The following STXBP5L variants were observed in gnomAD, a reference collection of about 807,000 sequenced individuals.
STXBP5L encodes the protein syntaxin binding protein 5L, also known as syntaxin-binding protein 5-like.
STXBP5L carries 65 observed loss-of-function variants against 144.5 expected under a neutral mutation model. The observed-to-expected ratio is 0.45, with a 90% CI of 0.37 to 0.55. The LOEUF (loss-of-function observed/expected upper bound fraction) is 0.55, where lower values mean the gene tolerates loss of function less well. Among genes scored for constraint, STXBP5L ranks in the 20% least tolerant of loss-of-function variants. The pLI, the probability that STXBP5L is intolerant of heterozygous loss-of-function variation, is 0.00. For synonymous variants in STXBP5L, 505 were observed against 469.6 expected (o/e 1.08, Z -0.97); for missense variants, 1,298 against 1,405.5 (o/e 0.92, Z 1.22).
intron 5 of STXBP5L, among the ~76,000 whole-genome samples, chr3:121,109,614 T>A (rs1469091723): frequency 6.6e-6 from 1 of 152,202 alleles, no homozygotes; most frequent in Non-Finnish European, 1.5e-5. Flanking sequence ...CTTTTGTATT[T>A]GCTGAGGAAC....
chr3:121,186,641 A>T (rs1191882974), intron 9 of STXBP5L, among the ~76,000 whole-genome samples: 2 of 152,200 alleles, frequency 1.3e-5, no homozygotes, highest in Non-Finnish European at 2.9e-5. Flanking sequence ...CCAGGGATGA[A>T]GCCCACTTGA....
intron 22 of STXBP5L, among the ~76,000 whole-genome samples, chr3:121,392,543 C>T (rs574414967): frequency 6.6e-6 from 1 of 152,134 alleles, no homozygotes; most frequent in Admixed American, 6.5e-5. Context: ...GGAACACGCC[C>T]GCAGTCTTTA....
intron 3 of STXBP5L, among the ~76,000 whole-genome samples, chr3:121,019,994 G>A (rs1392353437): frequency 6.6e-6 from 1 of 152,086 alleles, no homozygotes; most frequent in Non-Finnish European, 1.5e-5. Flanking sequence ...AACAGAGAAA[G>A]GTGAAGTCCA....
chr3:121,311,600 A>C (rs532251471), intron 19 of STXBP5L, among the ~76,000 whole-genome samples: 1 of 152,208 alleles, frequency 6.6e-6, no homozygotes, highest in Non-Finnish European at 1.5e-5. Context: ...CAATTGCTTC[A>C]AAGAGAATAA....
chr3:121,346,096 C>T (rs2044957757), intron 20 of STXBP5L, among the ~76,000 whole-genome samples: 1 of 150,338 alleles, frequency 6.7e-6, no homozygotes, highest in African/African-American at 2.5e-5. Flanking sequence ...TAATGCTATC[C>T]CTCTCCCCTC....
chr3:121,259,190 T>C (rs1553752211), intron 18 of STXBP5L, 22 bp downstream of exon 18: 2 of 1,513,622 alleles, frequency 1.3e-6, no homozygotes, highest in Non-Finnish European at 1.8e-6. Flanking sequence ...AACTTTTTTA[T>C]GATATGTATT....
chr3:120,939,610 G>T (rs1710457076), intron 2 of STXBP5L, among the ~76,000 whole-genome samples: 1 of 152,062 alleles, frequency 6.6e-6, no homozygotes, highest in African/African-American at 2.4e-5. Flanking sequence ...TAGCTCATGA[G>T]GGAATCAGAC....
At chr3:121,357,145 T>G (rs1168716029) in intron 20 of STXBP5L, 3 of 172,480 alleles carry the variant, frequency 1.7e-5, no homozygotes, top group African/African-American at 7.2e-5. Context: ...AGAAGCACAA[T>G]CACAGGTACT....
At chr3:121,070,473 G>A (rs3845850) in intron 5 of STXBP5L, among the ~76,000 whole-genome samples, 79,668 of 151,876 alleles carry the variant, frequency 0.52, 21,453 homozygotes, top group African/African-American at 0.62. Context: ...AGCAACTTTA[G>A]GAAGATTTTA....
At chr3:120,961,113 G>A (rs1048767380) in intron 3 of STXBP5L, among the ~76,000 whole-genome samples, 6 of 151,500 alleles carry the variant, frequency 4.0e-5, no homozygotes, top group Admixed American at 4.0e-4. Context: ...TTGGTGCATA[G>A]TTGTTCGTAA....
chr3:121,271,422 G>A (rs1417879947), intron 18 of STXBP5L, among the ~76,000 whole-genome samples: 5 of 151,948 alleles, frequency 3.3e-5, no homozygotes, highest in Non-Finnish European at 7.4e-5. Context: ...ATATTCTTTA[G>A]TCTACCCCTG....
intron 5 of STXBP5L, among the ~76,000 whole-genome samples, chr3:121,091,182 T>C (rs1181766626): frequency 6.8e-6 from 1 of 147,436 alleles, no homozygotes; most frequent in Non-Finnish European, 1.5e-5. Flanking sequence ...CTATCATTGA[T>C]GGACATTTGG....
At chr3:121,178,364 T>C (rs2047015688) in intron 9 of STXBP5L, among the ~76,000 whole-genome samples, 1 of 152,190 alleles carries the variant, frequency 6.6e-6, no homozygotes, top group African/African-American at 2.4e-5. Flanking sequence ...CGTGTTCCAG[T>C]GAGTGAAAGA....
rs764362263 is a variant in STXBP5L at position 121,378,836 on chromosome 3, A to G, written c.2297A>G (p.Lys766Arg). The G allele has an allele frequency of 6.2e-7, 1 of 1,613,778 alleles. No individual in the cohort carries two copies. Among genetic ancestry groups the G allele is most frequent in the Non-Finnish European group, 8.5e-7 (1 of 1,179,826 alleles). ...GGTCCTGGAAGACCACCATTTCGAA[A>G]GGCCCAGTCAGCAGCCTGCATGGAG... is the stretch of plus-strand genomic sequence containing the variant. ...RWGPGRPPFR[K>R]AQSAACMEIS... The change falls in exon 21 of 27, where the codon AAG becomes AGG. Residue 766 changes from lysine (K) to arginine (R), a missense_variant. Lys to Arg is a conservative substitution (Grantham distance 26). Coordinates refer to ENST00000471454, the MANE Select transcript of STXBP5L (RefSeq NM_001308330.2).
intron 3 of STXBP5L, among the ~76,000 whole-genome samples, chr3:120,990,983 ATCTAAT>A (rs1312614782): frequency 2.6e-5 from 4 of 152,210 alleles, no homozygotes; most frequent in African/African-American, 9.7e-5. Context: ...GACAAATGGG[ATCTAAT>A]TAAACTAAAG....
Position 121,213,899 on chromosome 3 carries a change from G to T in STXBP5L, c.956+7898G>T, listed in dbSNP as rs191315571. On this transcript the variant is annotated intron_variant, in intron 10 of 26. Transcript: ENST00000471454. ...ACTGCCTCAATTTTAGAACTTATTT[G>T]TTCAGGGATTTGAGTTTTTCCTGGG... 4.3e-3 allele frequency among the ~76,000 whole-genome samples: 639 copies of T among 148,968 alleles called. 4 individuals carry two copies. The highest frequency in any genetic ancestry group is 0.015 in the African/African-American group (609 of 41,118).
At position 120,967,081 on chromosome 3, in the gene STXBP5L, C is replaced by T. The variant is rs529395712; in HGVS notation, c.287+12044C>T. On this transcript the variant is annotated intron_variant, in intron 3 of 26. Transcript: ENST00000471454. ...TGCTGTGCTAGCAGTGAGCAAGGCT[C>T]AGTGGGTGTGGGACCCACTGAGCCA... is the stretch of plus-strand genomic sequence containing the variant. Among the ~76,000 whole-genome samples the T allele has an allele frequency of 1.9e-4, 29 of 152,182 alleles. No individual in the cohort carries two copies. The East Asian group carries it at 5.6e-3, about 30-fold the overall frequency.
chr3:121,154,593 T>G (rs1436811052), intron 8 of STXBP5L, among the ~76,000 whole-genome samples: 2 of 151,820 alleles, frequency 1.3e-5, no homozygotes, highest in Non-Finnish European at 3.0e-5. Flanking sequence ...GTCTTTACCC[T>G]CATTTCTTCT....
chr3:121,234,833 G>C (rs1473232837), intron 12 of STXBP5L, among the ~76,000 whole-genome samples: 1 of 151,792 alleles, frequency 6.6e-6, no homozygotes, highest in Non-Finnish European at 1.5e-5. Flanking sequence ...CTTCTAAGAA[G>C]TTCTAATATG....
Sources: allele counts gnomAD v4.1 joint callset (sites outside exome capture counted in the v4.1 genomes callset), GRCh38; gene constraint gnomAD v4.1.1; transcripts MANE v1.5; gene names NCBI Gene and HGNC (gene_info 2026-07-23, HGNC 2026-07-21).